Variants in GRIA4 observed in about 807,000 individuals in gnomAD.
The protein encoded by GRIA4 is glutamate ionotropic receptor AMPA type subunit 4, also known as glutamate receptor 4.
Under a neutral mutation model 104.0 loss-of-function variants are expected in GRIA4, and 34 were observed. That is an observed-to-expected ratio of 0.33 (90% confidence interval 0.25 to 0.44). GRIA4 has a LOEUF of 0.44. Ranked by LOEUF, GRIA4 falls within the 20% of genes least tolerant of loss-of-function variation. GRIA4 has a pLI of 1.00. For synonymous variants in GRIA4, 386 were observed against 381.9 expected (o/e 1.01, Z -0.13); for missense variants, 750 against 1,096.5 (o/e 0.68, Z 4.46).
intron 3 of GRIA4, among the ~76,000 whole-genome samples, chr11:105,631,884 T>C (rs1263753696): frequency 6.6e-6 from 1 of 152,090 alleles, no homozygotes; most frequent in African/African-American, 2.4e-5. Context: ...AAAGTGGAGT[T>C]TAATCTTGAA....
intron 4 of GRIA4, among the ~76,000 whole-genome samples, chr11:105,800,470 C>T (rs1028278235): frequency 6.6e-6 from 1 of 151,950 alleles, no homozygotes; most frequent in East Asian, 1.9e-4. Flanking sequence ...GTACCTATGC[C>T]TTGGAACACT....
intron 3 of GRIA4, among the ~76,000 whole-genome samples, chr11:105,702,783 C>T (rs1953550094): frequency 6.8e-6 from 1 of 147,972 alleles, no homozygotes; most frequent in African/African-American, 2.5e-5. Context: ...CAACCTCCAC[C>T]TCCTGAGTTC....
intron 14 of GRIA4, among the ~76,000 whole-genome samples, chr11:105,953,622 T>C (rs1243688305): frequency 2.2e-5 from 1 of 45,098 alleles, no homozygotes; most frequent in Non-Finnish European, 4.1e-5. Flanking sequence ...CATATACATG[T>C]ATACACATAC....
chr11:105,810,926 A>G (rs1943146683), intron 4 of GRIA4, among the ~76,000 whole-genome samples: 1 of 152,194 alleles, frequency 6.6e-6, no homozygotes, highest in Admixed American at 6.5e-5. Flanking sequence ...TTTAAAAAAA[A>G]CTATTATTGA....
At chr11:105,802,537 A>T in intron 4 of GRIA4, among the ~76,000 whole-genome samples, 1 of 152,270 alleles carries the variant, frequency 6.6e-6, no homozygotes, top group Non-Finnish European at 1.5e-5. Context: ...CAAGCTTAAT[A>T]TCAAAAAAGT....
chr11:105,891,185 TG>T (rs769394844), intron 6 of GRIA4, among the ~76,000 whole-genome samples: 27 of 152,200 alleles, frequency 1.8e-4, no homozygotes, highest in Non-Finnish European at 3.2e-4. Context: ...TGATATCGTT[TG>T]CTTAAATCTT....
At chr11:105,966,416 GT>G (rs367672529) in intron 14 of GRIA4, among the ~76,000 whole-genome samples, 4,692 of 151,894 alleles carry the variant, frequency 0.031, 112 homozygotes, top group Admixed American at 0.077. Flanking sequence ...AGCCTGTCTT[GT>G]TTTTTTTCAC....
At chr11:105,701,088 T>C (rs1266610268) in intron 3 of GRIA4, among the ~76,000 whole-genome samples, 1 of 152,186 alleles carries the variant, frequency 6.6e-6, no homozygotes, top group African/African-American at 2.4e-5. Flanking sequence ...ATGAGGCTTA[T>C]TCCCCATTCT....
chr11:105,786,144 C>T (rs1484476220), intron 4 of GRIA4, among the ~76,000 whole-genome samples: 1 of 89,300 alleles, frequency 1.1e-5, no homozygotes, highest in Admixed American at 1.5e-4. Flanking sequence ...GACCCTTTCT[C>T]AAAAAAAAAA....
chr11:105,960,529 G>T (rs1381731129), intron 14 of GRIA4, among the ~76,000 whole-genome samples: 1 of 152,188 alleles, frequency 6.6e-6, no homozygotes, highest in African/African-American at 2.4e-5. Flanking sequence ...TATAGAAATG[G>T]GTGCTGCCCT....
intron 10 of GRIA4, chr11:105,912,277 T>A (rs1233960561): frequency 1.0e-6 from 1 of 973,056 alleles, no homozygotes; most frequent in Non-Finnish European, 1.2e-6. Context: ...GTTTTCTGAA[T>A]ATATACAGTT....
At chr11:105,923,433 G>GT (rs1486791320) in intron 11 of GRIA4, among the ~76,000 whole-genome samples, 2 of 152,026 alleles carry the variant, frequency 1.3e-5, no homozygotes, top group African/African-American at 2.4e-5. Flanking sequence ...CTGAATCTCA[G>GT]TTTCATCATC....
intron 4 of GRIA4, among the ~76,000 whole-genome samples, chr11:105,796,204 T>C (rs1942473501): frequency 6.6e-6 from 1 of 152,154 alleles, no homozygotes; most frequent in African/African-American, 2.4e-5. Flanking sequence ...ACTTATCCAT[T>C]ATCCTAAAAT....
intron 3 of GRIA4, among the ~76,000 whole-genome samples, chr11:105,746,610 C>CA (rs1458876962): frequency 1.5e-4 from 23 of 152,072 alleles, no homozygotes; most frequent in Non-Finnish European, 2.6e-4. Context: ...CCTTAGACCA[C>CA]AGCATCTTAC....
chr11:105,879,518 T>C (rs1458398968), intron 5 of GRIA4, among the ~76,000 whole-genome samples: 1 of 152,216 alleles, frequency 6.6e-6, no homozygotes, highest in East Asian at 1.9e-4. Flanking sequence ...ATCCAAGTTA[T>C]TTAAGCTTTT....
In GRIA4 at chr11:105,878,918, A is replaced by G. The variant is rs571829235; in HGVS notation, c.673-8601A>G. Among the ~76,000 whole-genome samples the G allele has an allele frequency of 3.9e-5, 6 of 152,306 alleles. No individual in the cohort carries two copies. The South Asian group carries it at 1.2e-3, about 32-fold the overall frequency. ...GAGTAAATGGTTCTGTCTCACTGGCATTCCAGGTGCCACTGGGGTATGAAA... is the reference window on the plus strand; with the variant it reads ...GAGTAAATGGTTCTGTCTCACTGGCGTTCCAGGTGCCACTGGGGTATGAAA... On this transcript the variant is annotated intron_variant, in intron 5 of 16. Coordinates refer to ENST00000282499, the MANE Select transcript of GRIA4 (RefSeq NM_000829.4).
intron 3 of GRIA4, among the ~76,000 whole-genome samples, chr11:105,730,256 T>A (rs1938502612): frequency 6.6e-6 from 1 of 152,080 alleles, no homozygotes; most frequent in South Asian, 2.1e-4. Context: ...GTGAGCCAAA[T>A]AATGAGCTAA....
At chr11:105,904,268 G>A (rs1450536912) in intron 8 of GRIA4, among the ~76,000 whole-genome samples, 4 of 152,324 alleles carry the variant, frequency 2.6e-5, no homozygotes, top group Admixed American at 6.5e-5. Flanking sequence ...TCAGACACAC[G>A]TTAGATTAGC....
chr11:105,815,870 G>A (rs2135885981), intron 4 of GRIA4, among the ~76,000 whole-genome samples: 1 of 152,252 alleles, frequency 6.6e-6, no homozygotes, highest in East Asian at 1.9e-4. Context: ...ATATGATTTA[G>A]TTTAATACTG....
Sources: allele counts gnomAD v4.1 joint callset (sites outside exome capture counted in the v4.1 genomes callset), GRCh38; gene constraint gnomAD v4.1.1; transcripts MANE v1.5; gene names NCBI Gene and HGNC (gene_info 2026-07-23, HGNC 2026-07-21).